ANKRD30A: variants seen among roughly 807,000 people sequenced by gnomAD.
ANKRD30A encodes ankyrin repeat domain 30A.
Under a neutral mutation model 166.3 loss-of-function variants are expected in ANKRD30A, and 170 were observed. That is an observed-to-expected ratio of 1.02 (90% confidence interval 0.90 to 1.16). The LOEUF (loss-of-function observed/expected upper bound fraction) is 1.16, where lower values mean the gene tolerates loss of function less well. Ranked by LOEUF, ANKRD30A falls within the 50% of genes most tolerant of loss-of-function variation. The probability of loss-of-function intolerance (pLI) is 0.00; values close to 1 mark genes in which losing one functional copy is unlikely to be tolerated. For missense variants in ANKRD30A, 1,630 were observed against 1,518.0 expected, an observed-to-expected ratio of 1.07 and a Z score of -1.23; for synonymous variants, 564 against 508.9, an observed-to-expected ratio of 1.11 and a Z score of -1.46.
Position 37,195,399 on chromosome 10 carries a change from G to T in ANKRD30A, c.2615-1882G>T, listed in dbSNP as rs536728041. On this transcript the variant is annotated intron_variant, in intron 27 of 35. Transcript: ENST00000361713. ...TTTTCATCTGTTTACATGGGAAGAA[G>T]TAGTTCAGTTTATGGTCTCATTTCT... 9.2e-5 allele frequency among the ~76,000 whole-genome samples: 14 copies of T among 152,244 alleles called. 1 individual carries two copies. The highest frequency in any genetic ancestry group is 3.4e-4 in the African/African-American group (14 of 41,532).
the ANKRD30A span, among the ~76,000 whole-genome samples, chr10:37,248,827 T>C: frequency 6.6e-6 from 1 of 151,878 alleles, no homozygotes; most frequent in Non-Finnish European, 1.5e-5. Flanking sequence ...TGCAGAGGGG[T>C]CTGTCACATA....
Position 37,166,827 on chromosome 10 carries a change from G to A in ANKRD30A, c.2155+132G>A, listed in dbSNP as rs997935047. On this transcript the variant is annotated intron_variant, in intron 19 of 35. Coordinates refer to ENST00000361713, the MANE Select transcript of ANKRD30A (RefSeq NM_052997.3). ...CATGGAAAAAAAGAGAAGTGCAATGGTCATAAGTTATGTGTCTCATCAGGT... is the reference window on the plus strand; with the variant it reads ...CATGGAAAAAAAGAGAAGTGCAATGATCATAAGTTATGTGTCTCATCAGGT... The A allele has an allele frequency of 4.3e-6, 6 of 1,407,104 alleles. No individual in the cohort carries two copies. In the Admixed American group the frequency reaches 7.9e-5, roughly 19 times the overall value. The allele number at this position is 1,407,104 out of a possible 1,614,324, so 87.2% of individuals were successfully genotyped here.
In ANKRD30A at chr10:37,164,404, A is replaced by G. The variant is rs566799540; in HGVS notation, c.2003-690A>G. ...TTACTTAAGGCAATTATATTTTCCTATACATTTCTGATGTTTCTCCAAGGT... is the reference window on the plus strand; with the variant it reads ...TTACTTAAGGCAATTATATTTTCCTGTACATTTCTGATGTTTCTCCAAGGT... On this transcript the variant is annotated intron_variant, in intron 17 of 35. Transcript: ENST00000361713. Among the ~76,000 whole-genome samples, 42 of 151,348 alleles carry G rather than the reference A, an allele frequency of 2.8e-4. 1 individual carries two copies. The highest frequency in any genetic ancestry group is 9.2e-4 in the African/African-American group (38 of 41,160).
chr10:37,205,407 C>T (rs988824676), intron 31 of ANKRD30A, among the ~76,000 whole-genome samples: 1 of 140,164 alleles, frequency 7.1e-6, no homozygotes, highest in African/African-American at 2.7e-5. Context: ...AATGAGAACA[C>T]TTGGACACAG....
intron 32 of ANKRD30A, 102 bp from the exon 33 acceptor site, chr10:37,217,593 G>T: frequency 1.1e-6 from 1 of 941,744 alleles, no homozygotes; most frequent in Non-Finnish European, 1.5e-6. Context: ...AAGAATATAG[G>T]AATTTTATTG....
At chr10:37,161,345 T>C (rs932256532) in intron 15 of ANKRD30A, among the ~76,000 whole-genome samples, 2 of 152,192 alleles carry the variant, frequency 1.3e-5, no homozygotes, top group African/African-American at 4.8e-5. Flanking sequence ...AAATTATAGA[T>C]TTAAGATACT....
intron 35 of ANKRD30A, among the ~76,000 whole-genome samples, chr10:37,232,244 T>C (rs962202621): frequency 6.6e-6 from 1 of 152,006 alleles, no homozygotes; most frequent in African/African-American, 2.4e-5. Context: ...CTTGTTTTTT[T>C]TTTAACACAA....
chr10:37,215,531 T>C (rs1271781918), intron 31 of ANKRD30A, among the ~76,000 whole-genome samples: 3 of 151,476 alleles, frequency 2.0e-5, no homozygotes, highest in Non-Finnish European at 3.0e-5. Context: ...GAGAGTCTGA[T>C]AGGTTCCACC....
chr10:37,151,313 G>A (rs945395240), intron 11 of ANKRD30A, among the ~76,000 whole-genome samples: 1 of 152,006 alleles, frequency 6.6e-6, no homozygotes, highest in Non-Finnish European at 1.5e-5. Flanking sequence ...AGTGGGCCTT[G>A]ATTTTATCCT....
At chr10:37,258,692 G>GGT in the ANKRD30A span, among the ~76,000 whole-genome samples, 1 of 150,614 alleles carries the variant, frequency 6.6e-6, no homozygotes, top group Non-Finnish European at 1.5e-5. Context: ...GGCCATGAGT[G>GGT]GTGGCTCATG....
At chr10:37,158,695 A>G (rs980385145) in intron 15 of ANKRD30A, 109 bp downstream of exon 15, 41 of 1,452,342 alleles carry the variant, frequency 2.8e-5, no homozygotes, top group Non-Finnish European at 3.5e-5. Context: ...ATTTGATGGG[A>G]TATTTTGATA....
chr10:37,218,233 AATAAGCTC>A (rs1842703314), intron 33 of ANKRD30A, among the ~76,000 whole-genome samples: 1 of 150,886 alleles, frequency 6.6e-6, no homozygotes, highest in Non-Finnish European at 1.5e-5. Context: ...AGCCATAGTA[AATAAGCTC>A]ATGGTTTTCT....
chr10:37,206,119 T>C (rs948135175), intron 31 of ANKRD30A, among the ~76,000 whole-genome samples: 3 of 152,052 alleles, frequency 2.0e-5, no homozygotes, highest in Non-Finnish European at 4.4e-5. Context: ...TTTTAAAAAG[T>C]GTTGAAGGGA....
At chr10:37,147,691 C>T (rs1401549220) in intron 9 of ANKRD30A, among the ~76,000 whole-genome samples, 1 of 126,504 alleles carries the variant, frequency 7.9e-6, no homozygotes, top group African/African-American at 2.9e-5. Context: ...TAGGACATGA[C>T]GAAAGTCAGG....
intron 5 of ANKRD30A, among the ~76,000 whole-genome samples, chr10:37,134,812 C>T (rs1404087273): frequency 3.3e-5 from 5 of 152,134 alleles, no homozygotes. Flanking sequence ...TCTATTTTCT[C>T]TTGCAAATAT....
intron 27 of ANKRD30A, among the ~76,000 whole-genome samples, chr10:37,194,830 C>G (rs552819140): frequency 1.1e-3 from 162 of 152,032 alleles, no homozygotes; most frequent in Non-Finnish European, 1.4e-3. Flanking sequence ...CACTAAAAGT[C>G]GAAATTAAAT....
chr10:37,132,368 TAAA>T (rs775599980), intron 4 of ANKRD30A, 22 bp downstream of exon 4: 1 of 1,394,806 alleles, frequency 7.2e-7, no homozygotes, highest in African/African-American at 1.4e-5. Context: ...CTTTTTTTAT[TAAA>T]AAACACTTGA....
At chr10:37,178,021 A>G (rs1588867111) in intron 24 of ANKRD30A, among the ~76,000 whole-genome samples, 1 of 150,978 alleles carries the variant, frequency 6.6e-6, no homozygotes, top group Middle Eastern at 3.2e-3. Context: ...AGAAGAAAGT[A>G]GTAATAGAGT....
the ANKRD30A span, among the ~76,000 whole-genome samples, chr10:37,256,518 T>C: frequency 6.6e-6 from 1 of 152,224 alleles, no homozygotes; most frequent in Non-Finnish European, 1.5e-5. Flanking sequence ...GCAAGCTCTA[T>C]AAAGACAGAC....
Sources: gnomAD v4.1 joint callset for allele counts (sites outside exome capture counted in the v4.1 genomes callset) on GRCh38, gnomAD v4.1.1 for gene constraint, MANE v1.5 for transcripts, NCBI Gene and HGNC (gene_info 2026-07-23, HGNC 2026-07-21) for gene names.